Variants in MEIS1 observed in about 807,000 individuals in gnomAD.
The protein encoded by MEIS1 is Meis homeobox 1, also known as homeobox protein Meis1.
A neutral mutation model predicts 50.8 loss-of-function variants in MEIS1; 5 were observed. That is an observed-to-expected ratio of 0.10 (90% confidence interval 0.05 to 0.21). The LOEUF is 0.21. MEIS1 is among the 10% of genes least tolerant of loss of function. The pLI, the probability that MEIS1 is intolerant of heterozygous loss-of-function variation, is 1.00. For synonymous variants in MEIS1, 176 were observed against 179.3 expected (o/e 0.98, Z 0.15); for missense variants, 318 against 517.3 (o/e 0.61, Z 3.74).
intron 8 of MEIS1, among the ~76,000 whole-genome samples, chr2:66,524,944 A>T (rs1386087103): frequency 2.6e-5 from 4 of 152,272 alleles, no homozygotes; most frequent in African/African-American, 9.6e-5. Context: ...ACAGTGGTTC[A>T]TGCCTGTAAT....
chr2:66,522,146 T>C (rs1217496264), intron 8 of MEIS1, among the ~76,000 whole-genome samples: 4 of 152,234 alleles, frequency 2.6e-5, no homozygotes, highest in African/African-American at 9.6e-5. Flanking sequence ...TGGAATTTGG[T>C]TCCTTCTTTC....
chr2:66,493,077 A>C (rs1673311786), intron 7 of MEIS1, among the ~76,000 whole-genome samples: 1 of 152,218 alleles, frequency 6.6e-6, no homozygotes, highest in African/African-American at 2.4e-5. Context: ...ATATAGCAAA[A>C]ACAAACACAT....
At chr2:66,467,283 C>T (rs761038661) in intron 7 of MEIS1, among the ~76,000 whole-genome samples, 2 of 151,882 alleles carry the variant, frequency 1.3e-5, no homozygotes, top group Non-Finnish European at 2.9e-5. Flanking sequence ...ACATTTTTAC[C>T]TAAACATTAA....
At chr2:66,560,403 T>G (rs902579355) in intron 9 of MEIS1, among the ~76,000 whole-genome samples, 1 of 151,176 alleles carries the variant, frequency 6.6e-6, no homozygotes, top group Non-Finnish European at 1.5e-5. Context: ...CTGGGCAACA[T>G]AGTGAAACCT....
At chr2:66,452,041 G>T (rs186776791) in intron 6 of MEIS1, among the ~76,000 whole-genome samples, 122 of 151,896 alleles carry the variant, frequency 8.0e-4, no homozygotes, top group African/African-American at 2.9e-3. Flanking sequence ...TGAAATAGCA[G>T]CAAATAGGTA....
intron 9 of MEIS1, 114 bp from the exon 10 acceptor site, chr2:66,567,339 G>T: frequency 9.5e-7 from 1 of 1,052,200 alleles, no homozygotes; most frequent in Non-Finnish European, 1.4e-6. Context: ...AACTGAAGGA[G>T]TCCCATTTTG....
At chr2:66,564,275 A>G (rs562869776) in intron 9 of MEIS1, among the ~76,000 whole-genome samples, 1 of 152,184 alleles carries the variant, frequency 6.6e-6, no homozygotes, top group Non-Finnish European at 1.5e-5. Flanking sequence ...GGTAGCTGAC[A>G]TCTGTGTTCT....
At chr2:66,448,393 T>A (rs1672200385) in intron 6 of MEIS1, among the ~76,000 whole-genome samples, 1 of 152,102 alleles carries the variant, frequency 6.6e-6, no homozygotes, top group Admixed American at 6.5e-5. Flanking sequence ...TGTGCTCCCA[T>A]AGTAGAAACT....
At chr2:66,498,097 G>T (rs1673454413) in intron 7 of MEIS1, among the ~76,000 whole-genome samples, 1 of 152,152 alleles carries the variant, frequency 6.6e-6, no homozygotes, top group Non-Finnish European at 1.5e-5. Flanking sequence ...ATGGGATGGG[G>T]AGAGGTGACA....
chr2:66,441,227 T>C (rs1052598296), intron 4 of MEIS1, among the ~76,000 whole-genome samples, 187 bp from the exon 5 acceptor site: 1 of 151,990 alleles, frequency 6.6e-6, no homozygotes, highest in Non-Finnish European at 1.5e-5. Flanking sequence ...AGCTAGTTTT[T>C]TTTTTCTTAA....
chr2:66,565,245 A>G (rs1387301428), intron 9 of MEIS1, among the ~76,000 whole-genome samples: 1 of 152,078 alleles, frequency 6.6e-6, no homozygotes, highest in African/African-American at 2.4e-5. Flanking sequence ...GATGGAGACA[A>G]GTTTTGGAAT....
chr2:66,518,762 C>T (rs1234820174), intron 8 of MEIS1, among the ~76,000 whole-genome samples: 3 of 152,072 alleles, frequency 2.0e-5, no homozygotes, highest in African/African-American at 7.2e-5. Context: ...GAATTTTATG[C>T]TAGTTTGGTT....
At chr2:66,555,271 T>TCC (rs1675028441) in intron 9 of MEIS1, among the ~76,000 whole-genome samples, 3 of 27,018 alleles carry the variant, frequency 1.1e-4, no homozygotes, top group South Asian at 5.3e-3. Context: ...TCTCTCTCTC[T>TCC]CTCTCTCTCG....
intron 8 of MEIS1, among the ~76,000 whole-genome samples, chr2:66,529,100 G>C (rs2103889469): frequency 6.6e-6 from 1 of 152,114 alleles, no homozygotes; most frequent in South Asian, 2.1e-4. Flanking sequence ...CACTGCTTGG[G>C]GAAGCCATTT....
chr2:66,437,609 T>A, intron 1 of MEIS1, 128 bp from the exon 2 acceptor site: 3 of 772,144 alleles, frequency 3.9e-6, no homozygotes, highest in Non-Finnish European at 6.8e-6. Context: ...GCTTTATAGA[T>A]GCAAGGCCAC....
chr2:66,479,500 C>T (rs1672968826), intron 7 of MEIS1, among the ~76,000 whole-genome samples: 1 of 152,046 alleles, frequency 6.6e-6, no homozygotes, highest in Non-Finnish European at 1.5e-5. Context: ...TTAAAAGAAG[C>T]CAATGATGTT....
At chr2:66,492,141 G>C (rs769553224) in intron 7 of MEIS1, among the ~76,000 whole-genome samples, 6 of 150,520 alleles carry the variant, frequency 4.0e-5, no homozygotes, top group Admixed American at 6.7e-5. Flanking sequence ...AGGGGGGCTA[G>C]AGGGGGTTCC....
chr2:66,553,557 G>A (rs1426459501), intron 9 of MEIS1, among the ~76,000 whole-genome samples: 1 of 152,218 alleles, frequency 6.6e-6, no homozygotes, highest in Non-Finnish European at 1.5e-5. Flanking sequence ...CAGAGCTGGC[G>A]GGGCGCCAGA....
At chr2:66,507,854 A>G (rs1035098276) in intron 7 of MEIS1, among the ~76,000 whole-genome samples, 6 of 152,182 alleles carry the variant, frequency 3.9e-5, no homozygotes, top group Admixed American at 1.3e-4. Context: ...GTTTGAGTTG[A>G]GAGTGTTTGA....
Sources: allele counts gnomAD v4.1 joint callset (sites outside exome capture counted in the v4.1 genomes callset), GRCh38; gene constraint gnomAD v4.1.1; transcripts MANE v1.5; gene names NCBI Gene and HGNC (gene_info 2026-07-23, HGNC 2026-07-21).